The following ADAMTSL1 variants were observed in gnomAD, a reference collection of about 807,000 sequenced individuals.
ADAMTSL1 encodes the protein ADAMTS like 1.
A neutral mutation model predicts 201.8 loss-of-function variants in ADAMTSL1; 126 were observed. The ratio of observed to expected loss-of-function variants is 0.62; its 90% CI spans 0.54 to 0.72. ADAMTSL1 has a LOEUF of 0.72. ADAMTSL1 is among the 30% of genes least tolerant of loss of function. The pLI, the probability that ADAMTSL1 is intolerant of heterozygous loss-of-function variation, is 0.00. For synonymous variants in ADAMTSL1, 1,121 were observed against 903.4 expected, an observed-to-expected ratio of 1.24 and a Z score of -4.32; for missense variants, 2,679 against 2,277.8, an observed-to-expected ratio of 1.18 and a Z score of -3.59.
At chr9:18,532,758 G>A (rs936524240) in intron 2 of ADAMTSL1, among the ~76,000 whole-genome samples, 2 of 151,304 alleles carry the variant, frequency 1.3e-5, no homozygotes, top group East Asian at 1.9e-4. Flanking sequence ...CCTCTGTAAT[G>A]AGTATATATT....
At chr9:18,546,186 T>C (rs1820455807) in intron 3 of ADAMTSL1, among the ~76,000 whole-genome samples, 1 of 152,230 alleles carries the variant, frequency 6.6e-6, no homozygotes, top group Admixed American at 6.5e-5. Context: ...TTCTTTATAA[T>C]CTTGCTATGA....
At chr9:18,829,721 A>G (rs534114367) in intron 22 of ADAMTSL1, 122 bp from the exon 23 acceptor site, 21 of 1,332,500 alleles carry the variant, frequency 1.6e-5, no homozygotes, top group South Asian at 1.4e-4. Context: ...AAAGGCAACA[A>G]TAGTAATGCC....
intron 1 of ADAMTSL1, among the ~76,000 whole-genome samples, chr9:18,116,171 A>G (rs969628991): frequency 1.3e-5 from 2 of 152,150 alleles, no homozygotes; most frequent in African/African-American, 4.8e-5. Context: ...AAATAGAAAT[A>G]GTTTTCACTG....
intron 2 of ADAMTSL1, among the ~76,000 whole-genome samples, chr9:18,528,613 G>T (rs1423111009): frequency 6.6e-6 from 1 of 152,100 alleles, no homozygotes; most frequent in Admixed American, 6.5e-5. Context: ...ATAATTAGTG[G>T]CCATTTGGGT....
chr9:18,908,281 A>T, intron 28 of ADAMTSL1, 161 bp from the exon 29 acceptor site: 1 of 655,192 alleles, frequency 1.5e-6, no homozygotes. Flanking sequence ...CAAGTGGCTG[A>T]GCTCTGTCAA....
chr9:18,414,263 A>G (rs1036760887), intron 2 of ADAMTSL1, among the ~76,000 whole-genome samples: 1 of 152,228 alleles, frequency 6.6e-6, no homozygotes, highest in South Asian at 2.1e-4. Flanking sequence ...ATTTAGCAAC[A>G]TCTGGAACGT....
intron 2 of ADAMTSL1, among the ~76,000 whole-genome samples, chr9:18,306,996 T>C (rs1297694667): frequency 2.0e-5 from 3 of 152,182 alleles, no homozygotes; most frequent in Non-Finnish European, 4.4e-5. Flanking sequence ...AGTGGATCTC[T>C]CTGCAGAAAC....
At chr9:18,776,039 A>T (rs770960122) in intron 18 of ADAMTSL1, 143 bp downstream of exon 18, 2 of 1,157,170 alleles carry the variant, frequency 1.7e-6, no homozygotes, top group Non-Finnish European at 2.4e-6. Context: ...CAGGCAGGAG[A>T]GCTCAGCTGG....
At chr9:18,433,141 G>C (rs146612405) in intron 2 of ADAMTSL1, among the ~76,000 whole-genome samples, 1 of 152,066 alleles carries the variant, frequency 6.6e-6, no homozygotes, top group African/African-American at 2.4e-5. Context: ...TAGATGAGTA[G>C]GCTTTTATAA....
Position 18,617,503 on chromosome 9 carries a change from G to C in ADAMTSL1, c.475-4740G>C, listed in dbSNP as rs144833750. ...CCTAGTTTATTTTTTTTTTTGGCAG[G>C]GGGGAGGGGGCTGGGTCGGGGGGCA... On this transcript the variant is annotated intron_variant, in intron 4 of 28. Coordinates refer to ENST00000380548, the MANE Select transcript of ADAMTSL1 (RefSeq NM_001040272.6). Among the ~76,000 whole-genome samples the C allele has an allele frequency of 7.7e-3, 1,164 of 151,420 alleles. 11 individuals carry two copies. The highest frequency in any genetic ancestry group is 0.014 in the Non-Finnish European group (958 of 67,808).
intron 4 of ADAMTSL1, among the ~76,000 whole-genome samples, chr9:18,580,811 C>T (rs777872747): frequency 6.6e-6 from 1 of 152,006 alleles, no homozygotes; most frequent in African/African-American, 2.4e-5. Context: ...TAGTCCCTGC[C>T]CTTCCAGAAT....
intron 17 of ADAMTSL1, among the ~76,000 whole-genome samples, chr9:18,772,442 C>T (rs1042425923): frequency 6.6e-6 from 1 of 152,062 alleles, no homozygotes; most frequent in South Asian, 2.1e-4. Context: ...TCCCATTGGT[C>T]CCATTAAGTA....
rs779251003 is a variant in ADAMTSL1, at chr9:18,776,995, G to C, written c.2766G>C (p.Thr922=). Residue 922 remains threonine, a synonymous_variant, in exon 19 of 29, where the codon ACG becomes ACC. Transcript: ENST00000380548. The stretch of plus-strand genomic sequence containing the variant: ...ACGGCCAGCACCTCATCAGCTCGAC[G>C]CACGTCACGGTGGCCCCCTTCGGCT... ...EKDGQHLISS[T]HVTVAPFGYL... 1.2e-6 allele frequency: 2 copies of C among 1,601,736 alleles called. No homozygotes were observed. Among genetic ancestry groups the C allele is most frequent in the Non-Finnish European group, 8.5e-7 (1 of 1,172,374 alleles).
At chr9:18,546,029 C>T (rs1447172363) in intron 3 of ADAMTSL1, among the ~76,000 whole-genome samples, 1 of 152,184 alleles carries the variant, frequency 6.6e-6, no homozygotes, top group East Asian at 1.9e-4. Flanking sequence ...AAGCAAGGGC[C>T]ATTATTTAAT....
In ADAMTSL1 at chr9:18,169,584, A is replaced by C. The variant is rs182861816; in HGVS notation, c.207+5603A>C. 4.1e-4 allele frequency among the ~76,000 whole-genome samples: 63 copies of C among 151,930 alleles called. No homozygotes were observed. The East Asian group carries it at 7.4e-3, about 18-fold the overall frequency. On this transcript the variant is annotated intron_variant, in intron 2 of 29. Coordinates refer to the ADAMTSL1 transcript ENST00000680146. ...TGATGCCTCCAGCTTTGTTCTTTTG[A>C]CTTAGGATTGACTTGGCGATGCGGG...
intron 2 of ADAMTSL1, among the ~76,000 whole-genome samples, chr9:18,332,137 C>G (rs1835053963): frequency 6.6e-6 from 1 of 151,992 alleles, no homozygotes; most frequent in South Asian, 2.1e-4. Flanking sequence ...TAGCACAAGC[C>G]CAAAGTCAAT....
intron 1 of ADAMTSL1, among the ~76,000 whole-genome samples, chr9:18,156,793 G>C (rs973159353): frequency 1.3e-5 from 2 of 152,000 alleles, no homozygotes; most frequent in Non-Finnish European, 2.9e-5. Flanking sequence ...TCTAAGTGTA[G>C]GTATGAATCA....
At chr9:18,240,979 A>G (rs917987359) in intron 2 of ADAMTSL1, among the ~76,000 whole-genome samples, 11 of 152,148 alleles carry the variant, frequency 7.2e-5, no homozygotes, top group African/African-American at 2.4e-4. Flanking sequence ...CTTGCTCTGG[A>G]TTAGGCTTTG....
intron 2 of ADAMTSL1, among the ~76,000 whole-genome samples, chr9:18,350,829 A>C (rs900254504): frequency 5.9e-5 from 9 of 152,204 alleles, no homozygotes; most frequent in Non-Finnish European, 1.0e-4. Context: ...AATTGGCAGG[A>C]AAACTTTACT....
Sources: allele counts gnomAD v4.1 joint callset (sites outside exome capture counted in the v4.1 genomes callset), GRCh38; gene constraint gnomAD v4.1.1; transcripts MANE v1.5; gene names NCBI Gene and HGNC (gene_info 2026-07-23, HGNC 2026-07-21).